ELMO1: variants seen among roughly 807,000 people sequenced by gnomAD.
ELMO1 encodes the protein engulfment and cell motility protein 1.
In ELMO1, 26 loss-of-function variants were observed where a neutral mutation model predicts 98.9. The ratio of observed to expected loss-of-function variants is 0.26; its 90% CI spans 0.19 to 0.36. The LOEUF (loss-of-function observed/expected upper bound fraction) is 0.36. Among genes scored for constraint, ELMO1 ranks in the 10% least tolerant of loss-of-function variants. ELMO1 has a pLI of 1.00. For synonymous variants in ELMO1, 346 were observed against 346.0 expected (o/e 1.00, Z 0.00); for missense variants, 627 against 935.2 (o/e 0.67, Z 4.30).
At chr7:37,151,048 CCT>C (rs1024881848) in intron 13 of ELMO1, among the ~76,000 whole-genome samples, 1 of 152,170 alleles carries the variant, frequency 6.6e-6, no homozygotes, top group African/African-American at 2.4e-5. Context: ...CCAAGTCAGC[CCT>C]CTGCAGTCAG....
intron 1 of ELMO1, among the ~76,000 whole-genome samples, chr7:37,433,661 A>G (rs1014352749): frequency 2.6e-5 from 4 of 152,018 alleles, no homozygotes; most frequent in Admixed American, 2.0e-4. Flanking sequence ...CTTATCCCTC[A>G]CTGCTGGCTT....
At chr7:36,880,503 C>T (rs1804364940) in intron 18 of ELMO1, among the ~76,000 whole-genome samples, 1 of 152,168 alleles carries the variant, frequency 6.6e-6, no homozygotes, top group Non-Finnish European at 1.5e-5. Flanking sequence ...AATTTTGCTG[C>T]TCTACTTTCA....
At chr7:37,356,468 AC>A in intron 1 of ELMO1, among the ~76,000 whole-genome samples, 1 of 152,152 alleles carries the variant, frequency 6.6e-6, no homozygotes, top group Non-Finnish European at 1.5e-5. Context: ...CATGTCCTTT[AC>A]AGGGACATGG....
At chr7:36,940,932 G>C (rs1483993094) in intron 16 of ELMO1, among the ~76,000 whole-genome samples, 2 of 152,234 alleles carry the variant, frequency 1.3e-5, no homozygotes, top group Non-Finnish European at 1.5e-5. Flanking sequence ...GAGAGGCACA[G>C]ATAGTGTGAT....
chr7:37,164,937 C>T (rs1399000652), intron 13 of ELMO1, among the ~76,000 whole-genome samples: 1 of 151,794 alleles, frequency 6.6e-6, no homozygotes, highest in Non-Finnish European at 1.5e-5. Context: ...GCAGTATGGC[C>T]ATTTTCACAA....
chr7:37,019,475 C>T (rs919736028), intron 15 of ELMO1, among the ~76,000 whole-genome samples: 1 of 152,194 alleles, frequency 6.6e-6, no homozygotes, highest in African/African-American at 2.4e-5. Flanking sequence ...TGGGCCAACA[C>T]GGTGGCCATG....
At chr7:37,278,562 G>A (rs1796975163) in intron 4 of ELMO1, among the ~76,000 whole-genome samples, 1 of 152,108 alleles carries the variant, frequency 6.6e-6, no homozygotes, top group South Asian at 2.1e-4. Context: ...TACCTTGAAG[G>A]AACAAATTCT....
chr7:37,394,921 A>G (rs776049802), intron 1 of ELMO1, among the ~76,000 whole-genome samples: 1 of 152,200 alleles, frequency 6.6e-6, no homozygotes. Flanking sequence ...TTCAAGGTCA[A>G]AGTTTGCAGT....
At chr7:36,909,648 A>G (rs1262078659) in intron 16 of ELMO1, among the ~76,000 whole-genome samples, 2 of 152,216 alleles carry the variant, frequency 1.3e-5, no homozygotes, top group East Asian at 1.9e-4. Context: ...TAAATGCTGA[A>G]AAAACTGTAA....
chr7:36,991,958 C>T (rs1241259171), intron 16 of ELMO1, among the ~76,000 whole-genome samples: 1 of 152,202 alleles, frequency 6.6e-6, no homozygotes, highest in African/African-American at 2.4e-5. Context: ...GCACCCTGAG[C>T]AGCACGCCCC....
intron 19 of ELMO1, among the ~76,000 whole-genome samples, chr7:36,873,648 G>T (rs1402719495): frequency 6.6e-6 from 1 of 152,178 alleles, no homozygotes; most frequent in Non-Finnish European, 1.5e-5. Flanking sequence ...TTCTTCCACT[G>T]CATGTTCCCC....
At chr7:37,092,652 G>A (rs922925926) in intron 15 of ELMO1, among the ~76,000 whole-genome samples, 2 of 152,082 alleles carry the variant, frequency 1.3e-5, no homozygotes, top group Non-Finnish European at 2.9e-5. Flanking sequence ...TGGGATTACA[G>A]GCGTGAGCCA....
At chr7:36,918,950 C>G (rs1345710910) in intron 16 of ELMO1, among the ~76,000 whole-genome samples, 3 of 151,292 alleles carry the variant, frequency 2.0e-5, no homozygotes, top group Non-Finnish European at 4.4e-5. Flanking sequence ...GAGAGTTAAT[C>G]TATAAGAGCA....
intron 1 of ELMO1, among the ~76,000 whole-genome samples, chr7:37,445,363 A>G (rs2131599134): frequency 6.6e-6 from 1 of 152,346 alleles, no homozygotes; most frequent in South Asian, 2.1e-4. Context: ...TCAGGCACCA[A>G]AAAGTGGTTA....
At chr7:37,119,202 A>G (rs1785823380) in intron 14 of ELMO1, among the ~76,000 whole-genome samples, 1 of 152,232 alleles carries the variant, frequency 6.6e-6, no homozygotes, top group African/African-American at 2.4e-5. Context: ...GAAAGGCTGA[A>G]AAGAGATTCC....
At chr7:37,054,241 T>G (rs1796277401) in intron 15 of ELMO1, among the ~76,000 whole-genome samples, 1 of 152,240 alleles carries the variant, frequency 6.6e-6, no homozygotes, top group Non-Finnish European at 1.5e-5. Context: ...ACTTTCTCTT[T>G]TAATCATCAA....
intron 15 of ELMO1, among the ~76,000 whole-genome samples, chr7:37,023,649 C>A (rs565360535): frequency 2.6e-5 from 4 of 152,194 alleles, no homozygotes; most frequent in Admixed American, 2.0e-4. Context: ...GCTCTGTCAC[C>A]CAGGCTGGAG....
At chr7:37,138,043 G>A (rs1197232995) in intron 13 of ELMO1, among the ~76,000 whole-genome samples, 4 of 152,154 alleles carry the variant, frequency 2.6e-5, no homozygotes, top group African/African-American at 4.8e-5. Context: ...TGATAATAGT[G>A]ACACAACCTA....
intron 14 of ELMO1, among the ~76,000 whole-genome samples, chr7:37,125,196 T>C (rs568152342): frequency 4.6e-5 from 7 of 152,236 alleles, no homozygotes; most frequent in African/African-American, 1.4e-4. Flanking sequence ...AAAGAAAACC[T>C]AGGCATTACC....
Sources: allele counts gnomAD v4.1 joint callset (sites outside exome capture counted in the v4.1 genomes callset), GRCh38; gene constraint gnomAD v4.1.1; transcripts MANE v1.5; gene names NCBI Gene and HGNC (gene_info 2026-07-23, HGNC 2026-07-21).